ABCA13: variants seen among roughly 807,000 people sequenced by gnomAD.
ABCA13 encodes the protein ATP binding cassette subfamily A member 13.
ABCA13 carries 476 observed loss-of-function variants against 478.7 expected under a neutral mutation model. The ratio of observed to expected loss-of-function variants is 0.99; its 90% CI spans 0.92 to 1.07. ABCA13 has a LOEUF of 1.07. Among genes scored for constraint, ABCA13 ranks in the 50% least tolerant of loss-of-function variants. ABCA13 has a pLI of 0.00. For missense variants in ABCA13, 6,060 were observed against 5,910.6 expected, an observed-to-expected ratio of 1.03 and a Z score of -0.83; for synonymous variants, 2,252 against 2,158.9, an observed-to-expected ratio of 1.04 and a Z score of -1.20.
intron 8 of ABCA13, among the ~76,000 whole-genome samples, chr7:48,237,734 G>A (rs533013823): frequency 6.6e-6 from 1 of 152,284 alleles, no homozygotes; most frequent in Non-Finnish European, 1.5e-5. Context: ...TCCTGAATTG[G>A]AAAATGATTT....
intron 31 of ABCA13, among the ~76,000 whole-genome samples, chr7:48,357,073 T>C (rs552860505): frequency 6.6e-4 from 100 of 151,810 alleles, no homozygotes; most frequent in Non-Finnish European, 1.3e-3. Flanking sequence ...GAGTGATGGC[T>C]CCCGTGAGGC....
intron 55 of ABCA13, among the ~76,000 whole-genome samples, chr7:48,559,450 A>G (rs1326523619): frequency 1.3e-5 from 2 of 152,218 alleles, no homozygotes; most frequent in South Asian, 2.1e-4. Flanking sequence ...AGACAGGTCC[A>G]GAAATAATGT....
intron 5 of ABCA13, among the ~76,000 whole-genome samples, chr7:48,222,460 T>C (rs1028634682): frequency 5.3e-5 from 8 of 152,228 alleles, no homozygotes; most frequent in Admixed American, 2.6e-4. Context: ...ATTAATGTTA[T>C]GTATAATACA....
chr7:48,619,576 C>A (rs1052194106), intron 59 of ABCA13, among the ~76,000 whole-genome samples: 2 of 152,192 alleles, frequency 1.3e-5, no homozygotes, highest in Admixed American at 1.3e-4. Flanking sequence ...TGCTTTGGTA[C>A]TCACAAGTGC....
chr7:48,508,353 G>T (rs1307718273), intron 50 of ABCA13, among the ~76,000 whole-genome samples: 2 of 152,156 alleles, frequency 1.3e-5, no homozygotes, highest in African/African-American at 4.8e-5. Flanking sequence ...TCTTTTCAAT[G>T]GGGTAGCAGA....
At chr7:48,385,623 A>T (rs937489335) in intron 35 of ABCA13, among the ~76,000 whole-genome samples, 1 of 152,174 alleles carries the variant, frequency 6.6e-6, no homozygotes, top group Non-Finnish European at 1.5e-5. Context: ...AAGAACATAC[A>T]TGGGCATGTG....
At chr7:48,338,535 T>C in intron 29 of ABCA13, 80 bp downstream of exon 29, 1 of 1,057,584 alleles carries the variant, frequency 9.5e-7, no homozygotes, top group Non-Finnish European at 1.3e-6. Flanking sequence ...CCTTGGGCCA[T>C]GGCATTGCTA....
At chr7:48,522,232 C>T (rs1307775437) in intron 53 of ABCA13, among the ~76,000 whole-genome samples, 2 of 152,172 alleles carry the variant, frequency 1.3e-5, no homozygotes, top group African/African-American at 4.8e-5. Flanking sequence ...GCCTTCCCAG[C>T]CTGAGCAGGG....
chr7:48,469,784 G>A (rs968198114), intron 44 of ABCA13, among the ~76,000 whole-genome samples: 2 of 152,062 alleles, frequency 1.3e-5, no homozygotes, highest in Non-Finnish European at 2.9e-5. Context: ...GCTGGGTAAG[G>A]TGGTGCGCAC....
At chr7:48,571,039 G>T (rs1470652052) in intron 55 of ABCA13, among the ~76,000 whole-genome samples, 1 of 152,034 alleles carries the variant, frequency 6.6e-6, no homozygotes, top group African/African-American at 2.4e-5. Flanking sequence ...CTCTAATTTA[G>T]ATTAATACCA....
chr7:48,629,381 A>T (rs1436561790), intron 59 of ABCA13, among the ~76,000 whole-genome samples: 1 of 152,146 alleles, frequency 6.6e-6, no homozygotes, highest in African/African-American at 2.4e-5. Context: ...TTTAAAATGT[A>T]TCAGGATTGG....
At chr7:48,566,876 T>C (rs1787122158) in intron 55 of ABCA13, among the ~76,000 whole-genome samples, 1 of 152,184 alleles carries the variant, frequency 6.6e-6, no homozygotes, top group Non-Finnish European at 1.5e-5. Flanking sequence ...TTTAAAATGC[T>C]ATTTGAGTAC....
chr7:48,611,535 C>A (rs532339227), intron 58 of ABCA13, among the ~76,000 whole-genome samples: 1 of 152,246 alleles, frequency 6.6e-6, no homozygotes, highest in African/African-American at 2.4e-5. Context: ...AGGAAACTTA[C>A]AATCATGGCA....
At chr7:48,452,759 G>A (rs1001629761) in intron 42 of ABCA13, among the ~76,000 whole-genome samples, 18 of 152,152 alleles carry the variant, frequency 1.2e-4, no homozygotes, top group Admixed American at 6.5e-5. Context: ...ACAAAGTATG[G>A]CATTTTACCT....
chr7:48,555,140 G>C (rs1785681129), intron 55 of ABCA13, among the ~76,000 whole-genome samples: 1 of 151,766 alleles, frequency 6.6e-6, no homozygotes, highest in Admixed American at 6.6e-5. Context: ...CACATTGATT[G>C]ATTTGTATAT....
chr7:48,477,856 A>G (rs1016752670), intron 45 of ABCA13, among the ~76,000 whole-genome samples: 1 of 151,974 alleles, frequency 6.6e-6, no homozygotes, highest in Non-Finnish European at 1.5e-5. Context: ...AAACCTGCAC[A>G]TTGTGCACAT....
At chr7:48,172,661 G>A (rs1218355447) in intron 1 of ABCA13, among the ~76,000 whole-genome samples, 1 of 151,368 alleles carries the variant, frequency 6.6e-6, no homozygotes, top group Non-Finnish European at 1.5e-5. Flanking sequence ...AGCCGGGTGT[G>A]GTGGCGGACG....
intron 59 of ABCA13, among the ~76,000 whole-genome samples, chr7:48,618,161 T>C (rs1004381142): frequency 2.8e-4 from 43 of 152,136 alleles, no homozygotes; most frequent in African/African-American, 1.0e-3. Context: ...TACCCCAATC[T>C]GCAGGTGGCA....
At chr7:48,565,480 C>A (rs1007583703) in intron 55 of ABCA13, among the ~76,000 whole-genome samples, 2 of 151,888 alleles carry the variant, frequency 1.3e-5, no homozygotes, top group South Asian at 2.1e-4. Flanking sequence ...CTGAAATACC[C>A]GAGAGAACTT....
Sources: gnomAD v4.1 joint callset for allele counts (sites outside exome capture counted in the v4.1 genomes callset) on GRCh38, gnomAD v4.1.1 for gene constraint, MANE v1.5 for transcripts, NCBI Gene and HGNC (gene_info 2026-07-23, HGNC 2026-07-21) for gene names.